Variants in PKHD1 observed in about 807,000 individuals in gnomAD.
PKHD1 encodes PKHD1 ciliary IPT domain containing fibrocystin/polyductin.
In PKHD1, 291 loss-of-function variants were observed where a neutral mutation model predicts 412.0. The ratio of observed to expected loss-of-function variants is 0.71; its 90% CI spans 0.64 to 0.78. The LOEUF (loss-of-function observed/expected upper bound fraction) is 0.78, where lower values mean the gene tolerates loss of function less well. PKHD1 is among the 30% of genes least tolerant of loss of function. PKHD1 has a pLI of 0.00. For synonymous variants in PKHD1, 1,777 were observed against 1,821.5 expected (o/e 0.98, Z 0.62); for missense variants, 4,825 against 4,950.7 (o/e 0.97, Z 0.76).
chr6:51,827,420 AAAT>A (rs1247836278), intron 52 of PKHD1, among the ~76,000 whole-genome samples: 3 of 152,254 alleles, frequency 2.0e-5, no homozygotes, highest in Middle Eastern at 3.4e-3. Context: ...CTAATGTTAT[AAAT>A]AAAGGTCAGA....
rs569515391 is a variant in PKHD1 at position 51,757,746 on chromosome 6, T to C, written c.8643-2808A>G. 2.0e-5 allele frequency among the ~76,000 whole-genome samples: 3 copies of C among 152,166 alleles called. No individual in the cohort carries two copies. In the East Asian group the frequency reaches 5.8e-4, roughly 29 times the overall value. ...GCCAGGTACAGTGCCTCTTGCCTTA[T>C]AATCCCAGTACTTTGGGAAGCCAAG... On this transcript the variant is annotated intron_variant, in intron 55 of 66. Coordinates refer to ENST00000371117, the MANE Select transcript of PKHD1 (RefSeq NM_138694.4).
Position 52,054,150 on chromosome 6 carries a change from T to G in PKHD1, c.1852A>C (p.Lys618Gln). The change falls in exon 20 of 67, where the codon AAA becomes CAA. Residue 618 changes from lysine (K) to glutamine (Q), a missense_variant. Physicochemically the swap from Lys to Gln is moderately conservative, Grantham distance 53. Transcript: ENST00000371117. ...TTCAGGATCTTGTTCATGTGGCCTT[T>G]GTATGCAAGACACAGCTATGGACAC... ...DQYTHLCLAY[K>Q]GHMNKILKMI... 1 of 1,614,056 alleles carries G rather than the reference T, an allele frequency of 6.2e-7. No individual in the cohort carries two copies. The highest frequency in any genetic ancestry group is 2.2e-5 in the East Asian group (1 of 44,880).
At chr6:52,064,830 C>A (rs1340804391) in intron 13 of PKHD1, 125 bp downstream of exon 13, 3 of 434,306 alleles carry the variant, frequency 6.9e-6, no homozygotes, top group East Asian at 1.3e-4. Context: ...ATCATGGACC[C>A]AGGGCTCACT....
Position 51,766,702 on chromosome 6 carries a change from T to A in PKHD1, c.8642+6000A>T, listed in dbSNP as rs772455639. ...CTGCAAATATTTTCTTTTTTTTTAA[T>A]TTTGTTATTATTATACTTTAAGTTT... On this transcript the variant is annotated intron_variant, in intron 55 of 66. Coordinates refer to ENST00000371117, the MANE Select transcript of PKHD1 (RefSeq NM_138694.4). Among the ~76,000 whole-genome samples the A allele has an allele frequency of 8.3e-4, 123 of 147,820 alleles. 1 individual carries two copies. The highest frequency in any genetic ancestry group is 2.9e-3 in the Admixed American group (43 of 14,908).
rs552199185 is a variant in PKHD1, at chr6:51,870,590, A to G, written c.7400T>C (p.Leu2467Pro). Reference sequence around the variant, plus strand: ...AACAAAGGTTGTGTTAGACACCATCAGTTCCCATCTTTTAGGAGTTTTAAT... The same window carrying G: ...AACAAAGGTTGTGTTAGACACCATCGGTTCCCATCTTTTAGGAGTTTTAAT... ...SGIKTPKRWE[L>P]MVSNTTFVNF... Residue 2467 changes from leucine (L) to proline (P), a missense_variant, in exon 47 of 67, where the codon CTG (leucine) becomes CCG (proline). Transcript: ENST00000371117. 1.6e-5 allele frequency: 26 copies of G among 1,607,580 alleles called. 1 individual carries two copies. The South Asian group carries it at 2.6e-4, about 16-fold the overall frequency.
At chr6:52,073,376 C>T in intron 7 of PKHD1, 87 bp downstream of exon 7, 1 of 863,332 alleles carries the variant, frequency 1.2e-6, no homozygotes, top group Non-Finnish European at 2.0e-6. Flanking sequence ...CAACTGCTTA[C>T]AATTTATTGC....
At chr6:51,981,607 G>C (rs865846706) in intron 35 of PKHD1, among the ~76,000 whole-genome samples, 20 of 105,908 alleles carry the variant, frequency 1.9e-4, no homozygotes, top group Admixed American at 5.1e-4. Flanking sequence ...ACGGAGTCTC[G>C]TTCACTCAGT....
intron 53 of PKHD1, among the ~76,000 whole-genome samples, chr6:51,790,398 T>C (rs551537450): frequency 4.6e-4 from 70 of 152,142 alleles, no homozygotes; most frequent in Non-Finnish European, 8.2e-4. Context: ...CTACCCTAGA[T>C]CCATTCCATT....
intron 60 of PKHD1, among the ~76,000 whole-genome samples, chr6:51,710,363 G>C (rs1334654115): frequency 6.6e-6 from 1 of 152,042 alleles, no homozygotes; most frequent in East Asian, 1.9e-4. Flanking sequence ...ATCATCAATA[G>C]TCCTGGTTGA....
chr6:51,804,703 C>G (rs1181643707), intron 52 of PKHD1, among the ~76,000 whole-genome samples: 1 of 152,092 alleles, frequency 6.6e-6, no homozygotes, highest in African/African-American at 2.4e-5. Context: ...GAGTGAGCAG[C>G]AGTTAACTAG....
At chr6:51,962,361 ATTAAT>A (rs1792183724) in intron 35 of PKHD1, among the ~76,000 whole-genome samples, 1 of 152,150 alleles carries the variant, frequency 6.6e-6, no homozygotes, top group Non-Finnish European at 1.5e-5. Context: ...TTATCCATTA[ATTAAT>A]TTGAGAACAT....
intron 60 of PKHD1, among the ~76,000 whole-genome samples, chr6:51,670,986 T>C (rs1020210489): frequency 2.8e-4 from 43 of 152,154 alleles, no homozygotes; most frequent in African/African-American, 9.6e-4. Flanking sequence ...TAACATTTTT[T>C]CCTTCATTTC....
chr6:51,634,514 T>C (rs1332476738), intron 64 of PKHD1, among the ~76,000 whole-genome samples: 1 of 152,224 alleles, frequency 6.6e-6, no homozygotes, highest in Non-Finnish European at 1.5e-5. Flanking sequence ...TGCTCAGTAA[T>C]TGTTTACTGG....
In PKHD1 at chr6:51,783,749, G is replaced by T. The variant is rs1346655680; in HGVS notation, c.8440+7487C>A. 3.3e-5 allele frequency among the ~76,000 whole-genome samples: 5 copies of T among 152,074 alleles called. No homozygotes were observed. The East Asian group carries it at 7.7e-4, about 23-fold the overall frequency. On this transcript the variant is annotated intron_variant, in intron 53 of 66. Coordinates refer to ENST00000371117, the MANE Select transcript of PKHD1 (RefSeq NM_138694.4). ...TGTTTATTGAACAAGCTTTGAGTGG[G>T]GGACATTTTTAAGTCAGTTTCCTGT... is the stretch of plus-strand genomic sequence containing the variant.
intron 60 of PKHD1, among the ~76,000 whole-genome samples, chr6:51,668,372 T>G (rs902875485): frequency 1.2e-4 from 18 of 152,244 alleles, no homozygotes; most frequent in African/African-American, 4.3e-4. Flanking sequence ...ATAAGAATGC[T>G]TGTGATTTTT....
intron 43 of PKHD1, among the ~76,000 whole-genome samples, chr6:51,891,797 T>C (rs1365565984): frequency 6.6e-6 from 1 of 151,640 alleles, no homozygotes; most frequent in Non-Finnish European, 1.5e-5. Flanking sequence ...AAAAGATTGC[T>C]CTTAACCCAA....
At chr6:52,019,567 A>C (rs1208621127) in intron 33 of PKHD1, among the ~76,000 whole-genome samples, 1 of 152,228 alleles carries the variant, frequency 6.6e-6, no homozygotes, top group Non-Finnish European at 1.5e-5. Flanking sequence ...AGTAGATGCA[A>C]ATTGACAAGC....
At chr6:51,741,609 C>T (rs1784564507) in intron 60 of PKHD1, among the ~76,000 whole-genome samples, 1 of 152,176 alleles carries the variant, frequency 6.6e-6, no homozygotes, top group Non-Finnish European at 1.5e-5. Context: ...ATTTGGGGTG[C>T]TGTTCCCATG....
chr6:51,918,965 C>T (rs1177115599), intron 37 of PKHD1, among the ~76,000 whole-genome samples: 1 of 152,164 alleles, frequency 6.6e-6, no homozygotes, highest in East Asian at 1.9e-4. Context: ...CCTTCGCCCA[C>T]TTTTTGATGG....
Sources: gnomAD v4.1 joint callset for allele counts (sites outside exome capture counted in the v4.1 genomes callset) on GRCh38, gnomAD v4.1.1 for gene constraint, MANE v1.5 for transcripts, NCBI Gene and HGNC (gene_info 2026-07-23, HGNC 2026-07-21) for gene names.